Variants in PCDH17 observed in about 807,000 individuals in gnomAD.
PCDH17 encodes the protein protocadherin-17.
A neutral mutation model predicts 67.7 loss-of-function variants in PCDH17; 21 were observed. That is an observed-to-expected ratio of 0.31 (90% confidence interval 0.22 to 0.45). The LOEUF is 0.45. Ranked by LOEUF, PCDH17 falls within the 20% of genes least tolerant of loss-of-function variation. The pLI, the probability that PCDH17 is intolerant of heterozygous loss-of-function variation, is 1.00. For missense variants in PCDH17, 1,471 were observed against 1,564.8 expected (o/e 0.94, Z 1.01); for synonymous variants, 701 against 656.7 (o/e 1.07, Z -1.03).
intron 3 of PCDH17, among the ~76,000 whole-genome samples, chr13:57,668,595 CT>C (rs1335289127): frequency 6.6e-6 from 1 of 151,902 alleles, no homozygotes; most frequent in Non-Finnish European, 1.5e-5. Flanking sequence ...TACTAAAAAG[CT>C]ATTTTTTCAA....
chr13:57,675,339 A>G (rs569805080), intron 3 of PCDH17, among the ~76,000 whole-genome samples: 1 of 152,060 alleles, frequency 6.6e-6, no homozygotes, highest in African/African-American at 2.4e-5. Flanking sequence ...GGAAACAGGA[A>G]AGCTTTTAAC....
intron 3 of PCDH17, among the ~76,000 whole-genome samples, chr13:57,685,978 A>G (rs954185117): frequency 6.6e-6 from 1 of 151,732 alleles, no homozygotes; most frequent in Non-Finnish European, 1.5e-5. Flanking sequence ...AGTCCAAACT[A>G]CTCAGGAGGT....
chr13:57,642,584 A>C (rs1284014941), intron 1 of PCDH17, among the ~76,000 whole-genome samples: 1 of 151,628 alleles, frequency 6.6e-6, no homozygotes, highest in Admixed American at 6.6e-5. Context: ...TAACTTTAAA[A>C]ATATAATTTA....
At chr13:57,721,502 T>C (rs1955871389) in intron 3 of PCDH17, among the ~76,000 whole-genome samples, 1 of 152,154 alleles carries the variant, frequency 6.6e-6, no homozygotes, top group African/African-American at 2.4e-5. Context: ...AGTTTGATCA[T>C]CTATCTTAGA....
intron 1 of PCDH17, among the ~76,000 whole-genome samples, chr13:57,665,338 TC>T (rs1955237799): frequency 1.3e-5 from 2 of 152,100 alleles, no homozygotes; most frequent in South Asian, 4.1e-4. Flanking sequence ...TTTTCAGTAA[TC>T]GCTCACAAAT....
At chr13:57,658,951 C>T (rs1303287093) in intron 1 of PCDH17, among the ~76,000 whole-genome samples, 3 of 152,216 alleles carry the variant, frequency 2.0e-5, no homozygotes, top group Non-Finnish European at 1.5e-5. Context: ...TAATCCATTG[C>T]CTCCTGTGTC....
chr13:57,726,210 A>C lies in PCDH17; in HGVS notation c.*916A>C, dbSNP rs1955915385. On this transcript the variant is annotated 3_prime_UTR_variant, in exon 4 of 4. Coordinates refer to ENST00000377918, the MANE Select transcript of PCDH17 (RefSeq NM_001040429.3). ...TGTTTTATTCATTTGTGGACACTAA[A>C]ATAGCTCAGGAAAGTGAAAATGTCT... 6.6e-6 allele frequency: 1 copy of C among 152,642 alleles called. No individual in the cohort carries two copies. The highest frequency in any genetic ancestry group is 2.4e-5 in the African/African-American group (1 of 41,468). 9.5% of individuals were successfully genotyped at this position (152,642 alleles called of 1,614,324 possible).
intron 1 of PCDH17, among the ~76,000 whole-genome samples, chr13:57,654,594 T>C (rs556009104): frequency 6.6e-6 from 1 of 152,178 alleles, no homozygotes; most frequent in East Asian, 1.9e-4. Context: ...GAAATTAAAA[T>C]CTTTAAGCAA....
At chr13:57,691,424 A>AT (rs1348524028) in intron 3 of PCDH17, among the ~76,000 whole-genome samples, 3 of 151,038 alleles carry the variant, frequency 2.0e-5, no homozygotes, top group Non-Finnish European at 4.5e-5. Context: ...ATAATAGATA[A>AT]TTTTTTTTAA....
rs1006106422 is a variant in PCDH17 at position 57,727,434 on chromosome 13, A to G, written c.*2140A>G. On this transcript the variant is annotated 3_prime_UTR_variant, in exon 4 of 4. Transcript: ENST00000377918. ...ATTAAATTAAGTTTTGTAATTTTAA[A>G]CTTTAAAAACTTCTACTGAAAATAT... 1.3e-5 allele frequency: 2 copies of G among 152,382 alleles called. No individual in the cohort carries two copies. The highest frequency in any genetic ancestry group is 1.3e-4 in the Admixed American group (2 of 15,272). The allele number at this position is 152,382 out of a possible 1,614,324, so 9.4% of individuals were successfully genotyped here. A position where few individuals can be genotyped will look rare whatever the true frequency, so the allele number is the denominator to read the frequency against.
Position 57,632,210 on chromosome 13 carries a change from G to A in PCDH17, c.-337G>A. 1 of 362,172 alleles carries A rather than the reference G, an allele frequency of 2.8e-6. No individual in the cohort carries two copies. Among genetic ancestry groups the A allele is most frequent in the Non-Finnish European group, 5.1e-6 (1 of 197,762 alleles). 22.4% of individuals were successfully genotyped at this position (362,172 alleles called of 1,614,324 possible). A position where few individuals can be genotyped will look rare whatever the true frequency, so the allele number is the denominator to read the frequency against. On this transcript the variant is annotated 5_prime_UTR_variant, in exon 1 of 4. Coordinates refer to ENST00000377918, the MANE Select transcript of PCDH17 (RefSeq NM_001040429.3). ...TTTCCTTCTTATCGCCTGCCTCATC[G>A]CTCAAGTTTGAGCCTCCCGAAGTCC...
chr13:57,633,191 C>T lies in PCDH17; in HGVS notation c.645C>T (p.Ala215=). The T allele has an allele frequency of 6.2e-7, 1 of 1,613,194 alleles. No homozygotes were observed. Among genetic ancestry groups the T allele is most frequent in the South Asian group, 1.1e-5 (1 of 91,072 alleles). Residue 215 remains alanine, a synonymous_variant, in exon 1 of 4, where the codon GCC becomes GCT. Transcript: ENST00000377918. This position sits in a 1 kb window ranked among gnomAD's most constrained non-coding sequence, Gnocchi z 6.2. ...ATCACCATACGCTCGTGCTGACTGC[C>T]CTGGACGGTGGCGAGCCTCCACGTT... The part of the protein sequence containing the change: ...QQNHHTLVLT[A]LDGGEPPRSA...
Position 57,632,932 on chromosome 13 carries a change from C to T in PCDH17, c.386C>T (p.Ala129Val). 2 of 1,614,034 alleles carry T rather than the reference C, an allele frequency of 1.2e-6. No individual in the cohort carries two copies. Among genetic ancestry groups the T allele is most frequent in the Non-Finnish European group, 8.5e-7 (1 of 1,180,016 alleles). ...GAGATCCAGGACATCAACGACAACG[C>T]GCCCTCCTTCTCCTCGGACCAGATC... ...KVEIQDINDN[A>V]PSFSSDQIEM... is the part of the protein sequence containing the mutation. The change falls in exon 1 of 4, where the codon GCG (alanine) becomes GTG (valine). Residue 129 changes from alanine to valine, a missense_variant. By Grantham distance (64) the Ala-to-Val change is moderately conservative (BLOSUM62 0). Transcript: ENST00000377918.
At chr13:57,700,332 T>C (rs1382332664) in intron 3 of PCDH17, among the ~76,000 whole-genome samples, 2 of 151,770 alleles carry the variant, frequency 1.3e-5, no homozygotes, top group Non-Finnish European at 2.9e-5. Flanking sequence ...TTTTTTTTTT[T>C]TTTTTGAGAC....
At chr13:57,631,513 G>C (rs1246421539), upstream of PCDH17, among the ~76,000 whole-genome samples, 1 of 152,206 alleles carries the variant, frequency 6.6e-6, no homozygotes, top group Admixed American at 6.5e-5. Flanking sequence ...GCGGGGAGAG[G>C]ATGGGATGGT....
intron 3 of PCDH17, among the ~76,000 whole-genome samples, chr13:57,693,315 C>CAGATATATATATAT (rs1955576440): frequency 1.1e-5 from 1 of 89,360 alleles, no homozygotes; most frequent in Non-Finnish European, 2.2e-5. Flanking sequence ...CACTTACATT[C>CAGATATATATATAT]ATATATATAT....
At chr13:57,707,320 T>C (rs2138083868) in intron 3 of PCDH17, among the ~76,000 whole-genome samples, 1 of 144,032 alleles carries the variant, frequency 6.9e-6, no homozygotes, top group East Asian at 2.1e-4. Context: ...GTAGCTTTGT[T>C]TGTGATATAT....
intron 1 of PCDH17, among the ~76,000 whole-genome samples, chr13:57,638,973 C>T (rs183536958): frequency 3.7e-4 from 56 of 152,060 alleles, no homozygotes; most frequent in African/African-American, 1.2e-3. Context: ...ATACAAAGTG[C>T]GTGAACAATT....
Position 57,691,272 on chromosome 13 carries a change from A to G in PCDH17, c.2797+24439A>G, listed in dbSNP as rs565338796. Among the ~76,000 whole-genome samples the G allele has an allele frequency of 4.0e-5, 6 of 151,524 alleles. No individual in the cohort carries two copies. The East Asian group carries it at 1.2e-3, about 29-fold the overall frequency. On this transcript the variant is annotated intron_variant, in intron 3 of 3. Transcript: ENST00000377918. ...ATTCACTCAATACATGACCATTTTT[A>G]TAGCACATAGTGAAAATATTTAGTA...
Sources: gnomAD v4.1 joint callset for allele counts (sites outside exome capture counted in the v4.1 genomes callset) on GRCh38, gnomAD v4.1.1 for gene constraint, Gnocchi (gnomAD v3.1) non-coding constraint, MANE v1.5 for transcripts, NCBI Gene and HGNC (gene_info 2026-07-23, HGNC 2026-07-21) for gene names.